GALNT18: variants seen among roughly 807,000 people sequenced by gnomAD.
The protein encoded by GALNT18 is polypeptide N-acetylgalactosaminyltransferase 18, also known as GalNAc-transferase 18.
GALNT18 carries 44 observed loss-of-function variants against 69.5 expected under a neutral mutation model. That is an observed-to-expected ratio of 0.63 (90% CI 0.50 to 0.81). The LOEUF (loss-of-function observed/expected upper bound fraction) is 0.81, where lower values mean the gene tolerates loss of function less well. Ranked by LOEUF, GALNT18 falls within the 40% of genes least tolerant of loss-of-function variation. The probability of loss-of-function intolerance (pLI) is 0.00; values close to 1 mark genes in which losing one functional copy is unlikely to be tolerated. For missense variants in GALNT18, 715 were observed against 810.0 expected, an observed-to-expected ratio of 0.88 and a Z score of 1.42; for synonymous variants, 364 against 318.2, an observed-to-expected ratio of 1.14 and a Z score of -1.53.
rs760796212 is a variant in GALNT18, at chr11:11,523,272, C to G, written c.236-74336G>C. 2.6e-4 allele frequency among the ~76,000 whole-genome samples: 40 copies of G among 152,176 alleles called. No individual in the cohort carries two copies. Among genetic ancestry groups the G allele is most frequent in the Non-Finnish European group, 3.8e-4 (26 of 68,044 alleles). On this transcript the variant is annotated intron_variant, in intron 1 of 10. Coordinates refer to ENST00000227756, the MANE Select transcript of GALNT18 (RefSeq NM_198516.3). The surrounding 1 kb of genome is among the most constrained non-coding windows in gnomAD (Gnocchi z 4.3). ...TGCATGCCCTCCAAGTACAGCATCT[C>G]TTTTAATACAACAGCTGTTTGAGGC...
intron 1 of GALNT18, among the ~76,000 whole-genome samples, chr11:11,478,887 C>A (rs1856460739): frequency 2.0e-5 from 3 of 152,128 alleles, no homozygotes; most frequent in Admixed American, 2.0e-4. Flanking sequence ...GTGTTTCTGC[C>A]CCTGGCTGTC....
Position 11,514,326 on chromosome 11 carries a change from C to T in GALNT18, c.236-65390G>A, listed in dbSNP as rs549775054. Reference sequence around the variant, plus strand: ...ATCCCCTCTGAGTTGCAGGCAGAGGCTCCCCATTTGGAATAGCAGAAATGC... The same window carrying T: ...ATCCCCTCTGAGTTGCAGGCAGAGGTTCCCCATTTGGAATAGCAGAAATGC... On this transcript the variant is annotated intron_variant, in intron 1 of 10. Coordinates refer to ENST00000227756, the MANE Select transcript of GALNT18 (RefSeq NM_198516.3). 1.6e-4 allele frequency among the ~76,000 whole-genome samples: 25 copies of T among 152,326 alleles called. No individual in the cohort carries two copies. The South Asian group carries it at 5.2e-3, about 32-fold the overall frequency.
At chr11:11,446,064 G>A (rs754656215) in intron 2 of GALNT18, among the ~76,000 whole-genome samples, 1 of 152,184 alleles carries the variant, frequency 6.6e-6, no homozygotes, top group African/African-American at 2.4e-5. Flanking sequence ...ATGGTGGGCC[G>A]ATGTCAAAGC....
chr11:11,357,525 A>G (rs1474659899), intron 6 of GALNT18, among the ~76,000 whole-genome samples: 4 of 152,138 alleles, frequency 2.6e-5, no homozygotes, highest in Non-Finnish European at 5.9e-5. Flanking sequence ...CTTGACTCCA[A>G]CTATTCCCCC....
Position 11,301,807 on chromosome 11 carries a change from C to T in GALNT18, c.1513-8614G>A, listed in dbSNP as rs149823416. The stretch of plus-strand genomic sequence containing the variant: ...GGCATTGGGAAAGCAGAGGGAAGAG[C>T]GGGAGCCCCTCCCTCAGGGACTATC... On this transcript the variant is annotated intron_variant, in intron 9 of 10. Transcript: ENST00000227756. Among the ~76,000 whole-genome samples the T allele has an allele frequency of 2.1e-3, 327 of 152,270 alleles. 1 individual carries two copies. The highest frequency in any genetic ancestry group is 7.4e-3 in the African/African-American group (309 of 41,540).
rs963880982 is a variant in GALNT18, at chr11:11,573,148, C to T, written c.235+48211G>A. Among the ~76,000 whole-genome samples, 3 of 152,170 alleles carry T rather than the reference C, an allele frequency of 2.0e-5. No individual in the cohort carries two copies. The East Asian group carries it at 5.8e-4, about 29-fold the overall frequency. ...ACATTGAACTGGTTCCAAAACCCTGCCTTTCTGAACTACAGCGCCCCTCCA... is the reference window on the plus strand; with the variant it reads ...ACATTGAACTGGTTCCAAAACCCTGTCTTTCTGAACTACAGCGCCCCTCCA... On this transcript the variant is annotated intron_variant, in intron 1 of 10. Coordinates refer to ENST00000227756, the MANE Select transcript of GALNT18 (RefSeq NM_198516.3). The surrounding 1 kb of genome is among the most constrained non-coding windows in gnomAD (Gnocchi z 4.6).
In GALNT18 at chr11:11,515,210, G is replaced by T. The variant is rs1485012731; in HGVS notation, c.236-66274C>A. ...ATAATATGAGGTCACCCTGCAAAGG[G>T]CTTGGTACTAGGCACAGCAAATGAC... On this transcript the variant is annotated intron_variant, in intron 1 of 10. Coordinates refer to ENST00000227756, the MANE Select transcript of GALNT18 (RefSeq NM_198516.3). 2.6e-5 allele frequency among the ~76,000 whole-genome samples: 4 copies of T among 152,244 alleles called. 1 individual carries two copies. The highest frequency in any genetic ancestry group is 6.8e-3 in the Middle Eastern group (2 of 294).
chr11:11,359,532 C>A (rs1850599182), intron 6 of GALNT18, among the ~76,000 whole-genome samples: 1 of 152,242 alleles, frequency 6.6e-6, no homozygotes, highest in Non-Finnish European at 1.5e-5. Flanking sequence ...TTAGTAATCC[C>A]CCATCTGTCT....
At chr11:11,410,358 G>A (rs767040729) in intron 3 of GALNT18, among the ~76,000 whole-genome samples, 3 of 152,104 alleles carry the variant, frequency 2.0e-5, no homozygotes, top group Non-Finnish European at 4.4e-5. Flanking sequence ...CTCCTTGCCA[G>A]CACCCTGCCA....
rs138992018 is a variant in GALNT18, at chr11:11,463,502, GT to G, written c.236-14567del. 5.3e-3 allele frequency among the ~76,000 whole-genome samples: 805 copies of G among 152,268 alleles called. 7 individuals are homozygous for G. The highest frequency in any genetic ancestry group is 0.018 in the African/African-American group (750 of 41,552). On this transcript the variant is annotated intron_variant, in intron 1 of 10. Coordinates refer to ENST00000227756, the MANE Select transcript of GALNT18 (RefSeq NM_198516.3). The surrounding 1 kb of genome is among the most constrained non-coding windows in gnomAD (Gnocchi z 4.2). ...CAGCGAGGTTGAGGTCTGCTTACACGTCCCCTGGGAGCCCTAGCTGTTGTGG... is the reference window on the plus strand; with the variant it reads ...CAGCGAGGTTGAGGTCTGCTTACACGCCCCTGGGAGCCCTAGCTGTTGTGG...
chr11:11,385,809 G>A (rs1854043505), intron 3 of GALNT18, among the ~76,000 whole-genome samples: 1 of 152,110 alleles, frequency 6.6e-6, no homozygotes. Context: ...ACCTCCGAAT[G>A]AGACCTTATT....
At chr11:11,438,923 C>T (rs929002890) in intron 2 of GALNT18, among the ~76,000 whole-genome samples, 4 of 152,152 alleles carry the variant, frequency 2.6e-5, no homozygotes, top group Admixed American at 6.5e-5. Flanking sequence ...CTCCTTGCAC[C>T]GAGGCTGCTG....
chr11:11,440,609 A>G (rs1316149427), intron 2 of GALNT18, among the ~76,000 whole-genome samples: 1 of 152,108 alleles, frequency 6.6e-6, no homozygotes, highest in Non-Finnish European at 1.5e-5. Flanking sequence ...TCCCCCAGGG[A>G]CTTCTGTGTA....
intron 9 of GALNT18, among the ~76,000 whole-genome samples, chr11:11,294,206 C>T (rs1488245165): frequency 6.6e-6 from 1 of 152,224 alleles, no homozygotes; most frequent in East Asian, 1.9e-4. Flanking sequence ...CAAGGGTTCC[C>T]TCCCAGGGGC....
intron 9 of GALNT18, among the ~76,000 whole-genome samples, chr11:11,304,464 G>C (rs1849545544): frequency 6.6e-6 from 1 of 152,130 alleles, no homozygotes; most frequent in Non-Finnish European, 1.5e-5. Flanking sequence ...ACACTTCATA[G>C]CTGTGTCTGC....
At chr11:11,560,364 G>A (rs1244673730) in intron 1 of GALNT18, among the ~76,000 whole-genome samples, 1 of 133,856 alleles carries the variant, frequency 7.5e-6, no homozygotes, top group African/African-American at 2.8e-5. Flanking sequence ...AAACAGAGTA[G>A]TTGTGACAAA....
At chr11:11,527,118 C>T (rs1433542297) in intron 1 of GALNT18, among the ~76,000 whole-genome samples, 1 of 152,106 alleles carries the variant, frequency 6.6e-6, no homozygotes, top group Non-Finnish European at 1.5e-5. Context: ...TAGGTCTGTA[C>T]TCCCTGCATA....
intron 7 of GALNT18, among the ~76,000 whole-genome samples, chr11:11,335,785 G>A (rs1344654850): frequency 6.6e-6 from 1 of 152,160 alleles, no homozygotes; most frequent in African/African-American, 2.4e-5. Flanking sequence ...GACAGAGGCT[G>A]AGACTAAGGT....
intron 1 of GALNT18, among the ~76,000 whole-genome samples, chr11:11,572,815 G>C (rs533071162): frequency 8.5e-5 from 13 of 152,288 alleles, no homozygotes; most frequent in African/African-American, 3.1e-4. Flanking sequence ...CACAATGGCA[G>C]TAACAACTCC....
Sources: allele counts gnomAD v4.1 joint callset (sites outside exome capture counted in the v4.1 genomes callset), GRCh38; gene constraint gnomAD v4.1.1; non-coding constraint Gnocchi (gnomAD v3.1); transcripts MANE v1.5; gene names NCBI Gene and HGNC (gene_info 2026-07-23, HGNC 2026-07-21).